CUBN: variants seen among roughly 807,000 people sequenced by gnomAD.
The protein encoded by CUBN is cubilin.
CUBN carries 282 observed loss-of-function variants against 405.3 expected under a neutral mutation model. That is an observed-to-expected ratio of 0.70 (90% CI 0.63 to 0.77). The LOEUF is 0.77. CUBN is among the 30% of genes least tolerant of loss of function. CUBN has a pLI of 0.00. For synonymous variants in CUBN, 1,684 were observed against 1,617.0 expected, an observed-to-expected ratio of 1.04 and a Z score of -0.99; for missense variants, 4,514 against 4,475.2, an observed-to-expected ratio of 1.01 and a Z score of -0.25.
intron 31 of CUBN, among the ~76,000 whole-genome samples, chr10:16,971,391 GC>G (rs144624544): frequency 6.6e-6 from 1 of 152,326 alleles, no homozygotes; most frequent in Non-Finnish European, 1.5e-5. Context: ...TTCCAGCCTT[GC>G]CAGGGCATTG....
intron 44 of CUBN, among the ~76,000 whole-genome samples, chr10:16,919,045 C>T (rs1390552068): frequency 6.6e-6 from 1 of 152,174 alleles, no homozygotes; most frequent in Non-Finnish European, 1.5e-5. Flanking sequence ...ATATTTACTT[C>T]CCTTCCATAT....
At chr10:16,930,224 G>A (rs1842322935) in intron 40 of CUBN, among the ~76,000 whole-genome samples, 1 of 152,088 alleles carries the variant, frequency 6.6e-6, no homozygotes, top group African/African-American at 2.4e-5. Context: ...AGACACTGAG[G>A]CCCCAAGATT....
At chr10:17,126,553 A>T (rs1837196176) in intron 4 of CUBN, among the ~76,000 whole-genome samples, 1 of 152,172 alleles carries the variant, frequency 6.6e-6, no homozygotes, top group South Asian at 2.1e-4. Context: ...AGGCTCGGAG[A>T]CCTCAGCCTT....
chr10:16,860,964 G>A (rs1293001805), intron 59 of CUBN, among the ~76,000 whole-genome samples: 1 of 152,094 alleles, frequency 6.6e-6, no homozygotes, highest in Non-Finnish European at 1.5e-5. Context: ...ACAATGACTG[G>A]CTCCTCTTTG....
intron 22 of CUBN, among the ~76,000 whole-genome samples, chr10:17,051,931 T>G (rs1351328461): frequency 6.6e-6 from 1 of 151,950 alleles, no homozygotes; most frequent in Non-Finnish European, 1.5e-5. Context: ...AAATGTCTAG[T>G]AAGATATAGG....
chr10:16,959,251 G>A (rs1176072814), intron 31 of CUBN, among the ~76,000 whole-genome samples: 2 of 152,134 alleles, frequency 1.3e-5, no homozygotes, highest in African/African-American at 4.8e-5. Context: ...TGAAACCTCA[G>A]GCTATCAAGG....
rs200466568 is a variant in CUBN, at chr10:17,127,812, G to A, written c.348+17C>T. ...GGGAGAACTCATCGGTTCTTATGAC[G>A]TAGATGTCAGACTTACCTTGGAATT... is the stretch of plus-strand genomic sequence containing the variant. On this transcript the variant is annotated intron_variant, in intron 3 of 66. Coordinates refer to ENST00000377833, the MANE Select transcript of CUBN (RefSeq NM_001081.4). 1.6e-3 allele frequency: 2,537 copies of A among 1,581,028 alleles called. 1 individual carries two copies. Among genetic ancestry groups the A allele is most frequent in the Admixed American group, 2.4e-3 (146 of 59,918 alleles).
At chr10:16,890,326 A>G (rs1420752672) in intron 55 of CUBN, 45 bp downstream of exon 55, 2 of 1,607,768 alleles carry the variant, frequency 1.2e-6, no homozygotes, top group Non-Finnish European at 8.5e-7. Flanking sequence ...TGTGACAACC[A>G]CACTCCCGCA....
At chr10:17,044,836 G>A (rs1191870437) in intron 25 of CUBN, among the ~76,000 whole-genome samples, 171 bp downstream of exon 25, 2 of 151,992 alleles carry the variant, frequency 1.3e-5, no homozygotes, top group African/African-American at 4.8e-5. Flanking sequence ...TGAGTACTTC[G>A]AAGATGGTCA....
At chr10:17,025,516 A>G (rs547000884) in intron 27 of CUBN, among the ~76,000 whole-genome samples, 7 of 152,344 alleles carry the variant, frequency 4.6e-5, no homozygotes, top group Admixed American at 3.3e-4. Flanking sequence ...ACAGCAAATG[A>G]GATAAACCAC....
intron 56 of CUBN, 24 bp downstream of exon 56, chr10:16,888,393 A>C: frequency 6.3e-7 from 1 of 1,596,198 alleles, no homozygotes; most frequent in Admixed American, 1.7e-5. Context: ...ATTAAACGTA[A>C]TTTTTTTAAA....
At position 17,011,054 on chromosome 10, in the gene CUBN, A is replaced by G. The variant is rs546531351; in HGVS notation, c.4168+8779T>C. On this transcript the variant is annotated intron_variant, in intron 28 of 66. Coordinates refer to ENST00000377833, the MANE Select transcript of CUBN (RefSeq NM_001081.4). ...TAGATGTCTATGCTTGGTTCCTGGT[A>G]TAATCTTGGAACTCCACTTCTCTTT... Among the ~76,000 whole-genome samples, 47 of 152,314 alleles carry G rather than the reference A, an allele frequency of 3.1e-4. No individual in the cohort carries two copies. In the South Asian group the frequency reaches 9.7e-3, roughly 32 times the overall value.
chr10:17,072,656 T>C (rs1242011563), intron 17 of CUBN, among the ~76,000 whole-genome samples: 1 of 152,154 alleles, frequency 6.6e-6, no homozygotes, highest in East Asian at 1.9e-4. Flanking sequence ...GTGGTATTCA[T>C]AAATACATTC....
chr10:17,068,043 A>C, intron 21 of CUBN, 21 bp downstream of exon 21: 1 of 1,585,052 alleles, frequency 6.3e-7, no homozygotes, highest in Non-Finnish European at 8.7e-7. Context: ...TTGTTAAACA[A>C]ACAAACAAAC....
intron 48 of CUBN, among the ~76,000 whole-genome samples, chr10:16,913,569 C>T (rs1841793402): frequency 6.6e-6 from 1 of 152,218 alleles, no homozygotes; most frequent in Non-Finnish European, 1.5e-5. Context: ...TGATCATTCA[C>T]TCTTAAAATT....
Position 17,105,461 on chromosome 10 carries a change from C to T in CUBN, c.1226G>A (p.Cys409Tyr). ...CLSHPCLNGQCIDTVSGYFCK... is the reference protein window; with the variant it reads ...CLSHPCLNGQYIDTVSGYFCK... ...CAGGAAAAACAAAGGACTCACGATG[C>T]ATTGTCCATTTAGACAGGGGTGACT... Residue 409 changes from cysteine (C) to tyrosine (Y), a missense_variant, in exon 11 of 67, where the codon TGC becomes TAC. Cys to Tyr is a radical substitution (Grantham distance 194, BLOSUM62 -2). Transcript: ENST00000377833. 1 of 1,543,692 alleles carries T rather than the reference C, an allele frequency of 6.5e-7. No homozygotes were observed. Among genetic ancestry groups the T allele is most frequent in the Non-Finnish European group, 9.0e-7 (1 of 1,115,006 alleles).
At chr10:16,831,505 T>C in intron 64 of CUBN, 88 bp from the exon 65 acceptor site, 2 of 1,217,334 alleles carry the variant, frequency 1.6e-6, no homozygotes, top group Non-Finnish European at 1.2e-6. Context: ...ATGATGACAT[T>C]GGTCGGAAAA....
chr10:16,910,540 A>G (rs1000660257), intron 48 of CUBN, among the ~76,000 whole-genome samples: 1 of 152,108 alleles, frequency 6.6e-6, no homozygotes, highest in African/African-American at 2.4e-5. Flanking sequence ...GTAGGTTTGC[A>G]GGTTTTGCTA....
At chr10:16,891,954 G>A (rs559312548) in intron 54 of CUBN, among the ~76,000 whole-genome samples, 34 of 152,310 alleles carry the variant, frequency 2.2e-4, no homozygotes, top group Admixed American at 6.5e-5. Flanking sequence ...GTAGTTGGAT[G>A]TGTATTAATC....
Sources: gnomAD v4.1 joint callset for allele counts (sites outside exome capture counted in the v4.1 genomes callset) on GRCh38, gnomAD v4.1.1 for gene constraint, MANE v1.5 for transcripts, NCBI Gene and HGNC (gene_info 2026-07-23, HGNC 2026-07-21) for gene names.